The following FRS2 variants were observed in gnomAD, a reference collection of about 807,000 sequenced individuals.
The protein encoded by FRS2 is FGFR signalling adaptor.
In FRS2, 8 loss-of-function variants were observed where a neutral mutation model predicts 43.9. That is an observed-to-expected ratio of 0.18 (90% CI 0.11 to 0.33). FRS2 has a LOEUF of 0.33. FRS2 is among the 10% of genes least tolerant of loss of function. The pLI is 1.00. For synonymous variants in FRS2, 219 were observed against 220.3 expected (o/e 0.99, Z 0.05); for missense variants, 534 against 627.6 (o/e 0.85, Z 1.59).
chr12:69,571,159 G>A (rs1880718551), intron 6 of FRS2, 117 bp from the exon 7 acceptor site: 2 of 596,898 alleles, frequency 3.4e-6, no homozygotes, highest in African/African-American at 3.8e-5. Flanking sequence ...TATTTAAAAG[G>A]GATTTCTGAC....
intron 1 of FRS2, among the ~76,000 whole-genome samples, chr12:69,528,835 G>A (rs752515495): frequency 2.0e-4 from 30 of 152,178 alleles, no homozygotes; most frequent in Non-Finnish European, 3.2e-4. Flanking sequence ...AAGTCCTAAA[G>A]GAAGAGGAGA....
At chr12:69,557,943 T>C (rs1879566036) in intron 3 of FRS2, 1 of 152,096 alleles carries the variant, frequency 6.6e-6, no homozygotes, top group Non-Finnish European at 1.5e-5. Flanking sequence ...TTAGTAACAT[T>C]TTCTTAGTAT....
intron 4 of FRS2, among the ~76,000 whole-genome samples, chr12:69,565,588 T>A (rs1277710276): frequency 6.6e-6 from 1 of 152,216 alleles, no homozygotes. Context: ...TTAAAATTTT[T>A]AATTTTTTTT....
chr12:69,474,023 A>C (rs949005752), intron 1 of FRS2, among the ~76,000 whole-genome samples: 1 of 152,052 alleles, frequency 6.6e-6, no homozygotes, highest in Admixed American at 6.6e-5. Flanking sequence ...TTGTATTTTT[A>C]GTAGAGACGG....
In FRS2 at chr12:69,542,837, C is replaced by T. The variant is rs1188703271; in HGVS notation, c.-122+10781C>T. Among the ~76,000 whole-genome samples, 9 of 152,268 alleles carry T rather than the reference C, an allele frequency of 5.9e-5. No homozygotes were observed. In the South Asian group the frequency reaches 1.4e-3, roughly 25 times the overall value. ...ATCCAATATAAACAGTTGTTTCAATCCTAGAGTATCTTCACCTTCACCCAG... is the reference window on the plus strand; with the variant it reads ...ATCCAATATAAACAGTTGTTTCAATTCTAGAGTATCTTCACCTTCACCCAG... On this transcript the variant is annotated intron_variant, in intron 3 of 8. Coordinates refer to ENST00000549921, the MANE Select transcript of FRS2 (RefSeq NM_001278356.2).
chr12:69,491,157 G>A (rs1453419599), intron 1 of FRS2, among the ~76,000 whole-genome samples: 3 of 152,020 alleles, frequency 2.0e-5, no homozygotes, highest in Non-Finnish European at 4.4e-5. Flanking sequence ...GTGCAGTGGC[G>A]TAATCTTGGC....
intron 3 of FRS2, 114 bp from the exon 4 acceptor site, chr12:69,562,066 G>A (rs1267122199): frequency 1.0e-5 from 4 of 391,586 alleles, no homozygotes; most frequent in Non-Finnish European, 1.8e-5. Context: ...CAATCTTTTA[G>A]ACTTTTGAGT....
Position 69,574,080 on chromosome 12 carries a change from G to T in FRS2, c.652G>T (p.Ala218Ser). 14 of 1,614,214 alleles carry T rather than the reference G, an allele frequency of 8.7e-6. No homozygotes were observed. Among genetic ancestry groups the T allele is most frequent in the Non-Finnish European group, 1.2e-5 (14 of 1,180,016 alleles). Reference sequence around the variant, plus strand: ...CACAAGTGTGCATGTTCCATTGGAGGCGAGGGTTTCTAACGCTGAAAGCAG... The same window carrying T: ...CACAAGTGTGCATGTTCCATTGGAGTCGAGGGTTTCTAACGCTGAAAGCAG... ...NRTSVHVPLE[A>S]RVSNAESSTP... The change falls in exon 9 of 9, where the codon GCG (alanine) becomes TCG (serine). Residue 218 changes from alanine to serine, a missense_variant. Coordinates refer to ENST00000549921, the MANE Select transcript of FRS2 (RefSeq NM_001278356.2).
chr12:69,565,523 A>T lies in FRS2; in HGVS notation c.-27+3249A>T, dbSNP rs150021725. ...ATAATATTTAGCTTAAAACACACAC[A>T]TTCTACAGCAGTACAGAAGTATTTT... On this transcript the variant is annotated intron_variant, in intron 4 of 8. Coordinates refer to ENST00000549921, the MANE Select transcript of FRS2 (RefSeq NM_001278356.2). Among the ~76,000 whole-genome samples, 6 of 152,338 alleles carry T rather than the reference A, an allele frequency of 3.9e-5. No individual in the cohort carries two copies. In the East Asian group the frequency reaches 1.2e-3, roughly 29 times the overall value.
intron 1 of FRS2, among the ~76,000 whole-genome samples, chr12:69,523,354 C>T (rs188695566): frequency 6.6e-6 from 1 of 152,046 alleles, no homozygotes; most frequent in Non-Finnish European, 1.5e-5. Flanking sequence ...CTTTTTTGAT[C>T]TTTGTTGGTT....
intron 1 of FRS2, among the ~76,000 whole-genome samples, chr12:69,498,107 A>G (rs994749713): frequency 3.3e-5 from 5 of 152,012 alleles, no homozygotes; most frequent in African/African-American, 1.2e-4. Flanking sequence ...CTAAAGTGCT[A>G]TTTTTCTGAA....
intron 6 of FRS2, 111 bp downstream of exon 6, chr12:69,570,628 A>G: frequency 1.5e-6 from 1 of 663,994 alleles, no homozygotes; most frequent in Non-Finnish European, 2.6e-6. Flanking sequence ...CCCAAAATAA[A>G]CAGATTGTTA....
chr12:69,575,059 T>TA lies in FRS2; in HGVS notation c.*108dup. 1.4e-6 allele frequency: 1 copy of TA among 729,084 alleles called. No homozygotes were observed. The highest frequency in any genetic ancestry group is 2.3e-6 in the Non-Finnish European group (1 of 436,896). The allele number at this position is 729,084 out of a possible 1,614,324, so 45.2% of individuals were successfully genotyped here. On this transcript the variant is annotated 3_prime_UTR_variant, in exon 9 of 9. Coordinates refer to ENST00000549921, the MANE Select transcript of FRS2 (RefSeq NM_001278356.2). ...AACACTAACTCCTTTTATAGACTGA[T>TA]AAAATTTTTTTCTGAATATTTCATG...
intron 1 of FRS2, among the ~76,000 whole-genome samples, chr12:69,530,351 A>T (rs1305024233): frequency 6.6e-6 from 1 of 151,562 alleles, no homozygotes; most frequent in African/African-American, 2.4e-5. Flanking sequence ...AGGACTGAAG[A>T]GTTCTGGTCC....
chr12:69,485,099 A>ACACACACACACACGCG (rs1246744352), intron 1 of FRS2, among the ~76,000 whole-genome samples: 4 of 143,118 alleles, frequency 2.8e-5, no homozygotes, highest in South Asian at 2.3e-4. Flanking sequence ...ACACACACAC[A>ACACACACACACACGCG]CACACACACA....
intron 1 of FRS2, among the ~76,000 whole-genome samples, chr12:69,515,005 A>G (rs908919366): frequency 6.6e-6 from 1 of 152,212 alleles, no homozygotes; most frequent in Non-Finnish European, 1.5e-5. Flanking sequence ...CCACCATGCT[A>G]AATGTTATAC....
intron 1 of FRS2, among the ~76,000 whole-genome samples, chr12:69,496,451 A>AT (rs1371934571): frequency 2.6e-5 from 4 of 152,062 alleles, no homozygotes; most frequent in Non-Finnish European, 5.9e-5. Flanking sequence ...GAAAAAAAAA[A>AT]GCTTGTAGTC....
intron 3 of FRS2, among the ~76,000 whole-genome samples, chr12:69,544,946 A>C (rs577511414): frequency 4.7e-4 from 71 of 152,294 alleles, no homozygotes; most frequent in Admixed American, 7.8e-4. Flanking sequence ...GAAAGAAGTA[A>C]AGTGGTCTCT....
chr12:69,545,091 A>G (rs1331673467), intron 3 of FRS2, among the ~76,000 whole-genome samples: 1 of 152,192 alleles, frequency 6.6e-6, no homozygotes, highest in Non-Finnish European at 1.5e-5. Context: ...ACAAATAACC[A>G]AAGAAGTGAA....
Sources: allele counts gnomAD v4.1 joint callset (sites outside exome capture counted in the v4.1 genomes callset), GRCh38; gene constraint gnomAD v4.1.1; transcripts MANE v1.5; gene names NCBI Gene and HGNC (gene_info 2026-07-23, HGNC 2026-07-21).